Variants in MERTK observed in about 807,000 individuals in gnomAD.
MERTK encodes the protein tyrosine-protein kinase Mer.
Under a neutral mutation model 99.3 loss-of-function variants are expected in MERTK, and 69 were observed. The observed-to-expected ratio is 0.70, with a 90% CI of 0.57 to 0.85. MERTK has a LOEUF of 0.85. MERTK is among the 40% of genes least tolerant of loss of function. The probability of loss-of-function intolerance (pLI) is 0.00; values close to 1 mark genes in which losing one functional copy is unlikely to be tolerated. For missense variants in MERTK, 1,125 were observed against 1,249.4 expected, an observed-to-expected ratio of 0.90 and a Z score of 1.50; for synonymous variants, 426 against 467.6, an observed-to-expected ratio of 0.91 and a Z score of 1.15.
intron 13 of MERTK, 37 bp from the exon 14 acceptor site, chr2:112,008,346 A>G: frequency 6.6e-7 from 1 of 1,525,560 alleles, no homozygotes; most frequent in Non-Finnish European, 9.1e-7. Flanking sequence ...AATTGAGTAA[A>G]TTATCCATAC....
intron 13 of MERTK, among the ~76,000 whole-genome samples, chr2:112,005,223 A>G (rs947826055): frequency 1.7e-4 from 26 of 151,940 alleles, no homozygotes; most frequent in African/African-American, 6.3e-4. Flanking sequence ...ACCCACCAAC[A>G]CGCCTGGCTA....
In MERTK at chr2:111,939,654, ATTTTTTTTT is replaced by A. The variant is rs1184269274; in HGVS notation, c.483-5286_483-5278del. 7.9e-5 allele frequency among the ~76,000 whole-genome samples: 7 copies of A among 88,246 alleles called. No individual in the cohort carries two copies. The South Asian group carries it at 1.6e-3, about 21-fold the overall frequency. The allele number at this position is 88,246 out of a possible 152,430, so 57.9% of individuals were successfully genotyped here. A position where few individuals can be genotyped will look rare whatever the true frequency, so the allele number is the denominator to read the frequency against. The stretch of plus-strand genomic sequence containing the variant: ...TGCCACCATGCCCAGCTAATTTTTA[ATTTTTTTTT>A]TTTTTTTTTTTTTTTTTTTGGTAAG... On this transcript the variant is annotated intron_variant, in intron 2 of 18. Coordinates refer to ENST00000295408, the MANE Select transcript of MERTK (RefSeq NM_006343.3).
At chr2:111,913,409 T>G (rs999669235) in intron 1 of MERTK, among the ~76,000 whole-genome samples, 1 of 152,366 alleles carries the variant, frequency 6.6e-6, no homozygotes, top group African/African-American at 2.4e-5. Context: ...TAAATGGTAT[T>G]GTATTTTTAA....
In MERTK at chr2:112,003,072, C is replaced by T. The variant is rs887730605; in HGVS notation, c.1691-20C>T. 1.1e-5 allele frequency: 13 copies of T among 1,159,292 alleles called. No homozygotes were observed. Among genetic ancestry groups the T allele is most frequent in the Non-Finnish European group, 1.4e-5 (11 of 765,162 alleles). The allele number at this position is 1,159,292 out of a possible 1,614,324, so 71.8% of individuals were successfully genotyped here. A position where few individuals can be genotyped will look rare whatever the true frequency, so the allele number is the denominator to read the frequency against. On this transcript the variant is annotated intron_variant, in intron 11 of 18. Coordinates refer to ENST00000295408, the MANE Select transcript of MERTK (RefSeq NM_006343.3). Reference sequence around the variant, plus strand: ...AACACGCTGACAATTTTTGTACATACTATGTTACTCCTTTTTCAGTACATA... The same window carrying T: ...AACACGCTGACAATTTTTGTACATATTATGTTACTCCTTTTTCAGTACATA...
intron 13 of MERTK, among the ~76,000 whole-genome samples, chr2:112,007,807 A>G (rs1331656768): frequency 6.6e-6 from 1 of 152,086 alleles, no homozygotes; most frequent in African/African-American, 2.4e-5. Flanking sequence ...AAAAGCAAAT[A>G]TAATTGCAAC....
Position 111,929,483 on chromosome 2 carries a change from A to G in MERTK, c.425A>G (p.His142Arg). The change falls in exon 2 of 19, where the codon CAT (histidine) becomes CGT (arginine). Residue 142 changes from histidine (H) to arginine (R), a missense_variant. Physicochemically the swap from His to Arg is conservative, Grantham distance 29 (BLOSUM62 0). Transcript: ENST00000295408. ...GGGAAGGAATTGCTTGGGGCACATC[A>G]TGCAATTACACAGTTTTATCCAGAT... is the stretch of plus-strand genomic sequence containing the variant. ...KDGKELLGAHHAITQFYPDDE... is the reference protein window; with the variant it reads ...KDGKELLGAHRAITQFYPDDE... 3.7e-6 allele frequency: 6 copies of G among 1,614,148 alleles called. No homozygotes were observed. Among genetic ancestry groups the G allele is most frequent in the Non-Finnish European group, 4.2e-6 (5 of 1,180,008 alleles).
intron 18 of MERTK, among the ~76,000 whole-genome samples, chr2:112,027,481 G>A (rs1677491203): frequency 6.6e-6 from 1 of 151,932 alleles, no homozygotes; most frequent in African/African-American, 2.4e-5. Flanking sequence ...CTGTCTTACT[G>A]TGCTCCATTA....
chr2:111,975,665 T>G (rs1479966046), intron 7 of MERTK, among the ~76,000 whole-genome samples, 193 bp downstream of exon 7: 1 of 152,172 alleles, frequency 6.6e-6, no homozygotes, highest in African/African-American at 2.4e-5. Context: ...GTGACAAAAC[T>G]TAGCCGTGTT....
At chr2:111,924,916 G>A (rs1558773301) in intron 1 of MERTK, among the ~76,000 whole-genome samples, 2 of 152,078 alleles carry the variant, frequency 1.3e-5, no homozygotes, top group South Asian at 2.1e-4. Context: ...ACTGGCTGTA[G>A]TGTAGGTGGT....
At chr2:111,963,962 G>A (rs1484742646) in intron 4 of MERTK, among the ~76,000 whole-genome samples, 4 of 150,422 alleles carry the variant, frequency 2.7e-5, no homozygotes, top group Non-Finnish European at 4.4e-5. Context: ...TGTTTCCAAG[G>A]GTACATTCTG....
At chr2:112,023,550 C>T (rs1677401037) in intron 18 of MERTK, among the ~76,000 whole-genome samples, 1 of 152,114 alleles carries the variant, frequency 6.6e-6, no homozygotes, top group African/African-American at 2.4e-5. Flanking sequence ...GTCTTCAAGG[C>T]CAGGCAGTAT....
At chr2:112,005,094 G>A (rs1249371627) in intron 13 of MERTK, among the ~76,000 whole-genome samples, 1 of 151,856 alleles carries the variant, frequency 6.6e-6, no homozygotes, top group Non-Finnish European at 1.5e-5. Context: ...TTGAGATGGA[G>A]TCTCACTGTG....
At chr2:112,005,760 G>C (rs1409874259) in intron 13 of MERTK, among the ~76,000 whole-genome samples, 1 of 152,158 alleles carries the variant, frequency 6.6e-6, no homozygotes, top group Non-Finnish European at 1.5e-5. Context: ...TACTATTTTT[G>C]ATCAGGGAAT....
At chr2:111,971,341 C>CT (rs1482077828) in intron 6 of MERTK, among the ~76,000 whole-genome samples, 5 of 150,554 alleles carry the variant, frequency 3.3e-5, no homozygotes, top group Admixed American at 6.6e-5. Flanking sequence ...ATTTTTGTTT[C>CT]TTTTTTTTCT....
chr2:111,908,786 G>T (rs1317084942), intron 1 of MERTK, among the ~76,000 whole-genome samples: 1 of 152,150 alleles, frequency 6.6e-6, no homozygotes, highest in Non-Finnish European at 1.5e-5. Context: ...AGAACACATT[G>T]TTCCTTAAAT....
At chr2:111,928,441 C>T (rs1684608721) in intron 1 of MERTK, among the ~76,000 whole-genome samples, 3 of 150,490 alleles carry the variant, frequency 2.0e-5, no homozygotes, top group African/African-American at 4.9e-5. Context: ...TTTTTAAAGA[C>T]TATCAGCCAA....
At chr2:111,957,001 C>T (rs905660952) in intron 4 of MERTK, among the ~76,000 whole-genome samples, 1 of 146,230 alleles carries the variant, frequency 6.8e-6, no homozygotes, top group African/African-American at 2.5e-5. Flanking sequence ...GATCTCAGCT[C>T]ACTGCAAGCT....
chr2:111,949,668 C>T (rs1292898654), intron 4 of MERTK, among the ~76,000 whole-genome samples: 3 of 152,126 alleles, frequency 2.0e-5, no homozygotes, highest in Admixed American at 6.5e-5. Flanking sequence ...AGTGTAGACA[C>T]CCATGTAGCT....
At position 111,898,732 on chromosome 2, in the gene MERTK, C is replaced by T. The variant is rs750762839; in HGVS notation, c.-4C>T. On this transcript the variant is annotated 5_prime_UTR_variant, in exon 1 of 19. Transcript: ENST00000295408. ...GAGAGAAATTACAGATCCGCAGCCC[C>T]GGGATGGGGCCGGCCCCGCTGCCGC... 1.9e-6 allele frequency: 3 copies of T among 1,605,972 alleles called. No homozygotes were observed. The highest frequency in any genetic ancestry group is 8.5e-7 in the Non-Finnish European group (1 of 1,176,846).
Sources: allele counts gnomAD v4.1 joint callset (sites outside exome capture counted in the v4.1 genomes callset), GRCh38; gene constraint gnomAD v4.1.1; transcripts MANE v1.5; gene names NCBI Gene and HGNC (gene_info 2026-07-23, HGNC 2026-07-21).